TBCE: variants seen among roughly 807,000 people sequenced by gnomAD.
TBCE encodes tubulin-specific chaperone E.
Under a neutral mutation model 77.0 loss-of-function variants are expected in TBCE, and 53 were observed. The observed-to-expected ratio is 0.69, with a 90% CI of 0.55 to 0.87. TBCE has a LOEUF of 0.87. Among genes scored for constraint, TBCE ranks in the 40% least tolerant of loss-of-function variants. The pLI, the probability that TBCE is intolerant of heterozygous loss-of-function variation, is 0.00. For synonymous variants in TBCE, 235 were observed against 241.3 expected, an observed-to-expected ratio of 0.97 and a Z score of 0.24; for missense variants, 624 against 622.4, an observed-to-expected ratio of 1.00 and a Z score of -0.03.
intron 1 of TBCE, among the ~76,000 whole-genome samples, chr1:235,369,461 C>T (rs7523916): frequency 0.55 from 82,573 of 151,252 alleles, 22,876 homozygotes; most frequent in East Asian, 0.73. Context: ...GAGCCGAGAT[C>T]GTGCCACTGC....
chr1:235,370,252 CTTT>C (rs534933199), intron 1 of TBCE, among the ~76,000 whole-genome samples: 2 of 132,876 alleles, frequency 1.5e-5, no homozygotes, highest in Admixed American at 7.6e-5. Flanking sequence ...CTGCTGTATT[CTTT>C]TTTTTTTTTT....
At chr1:235,436,125 C>T (rs542978715) in intron 9 of TBCE, 10 of 599,836 alleles carry the variant, frequency 1.7e-5, no homozygotes, top group African/African-American at 3.7e-5. Context: ...GGCAGTAGAC[C>T]GTGTCTCTTT....
intron 2 of TBCE, among the ~76,000 whole-genome samples, chr1:235,390,832 C>T (rs988708055): frequency 1.5e-4 from 23 of 151,180 alleles, no homozygotes; most frequent in Admixed American, 5.9e-4. Context: ...AATGTTTCAG[C>T]TGGCCATTGT....
chr1:235,443,017 G>A, intron 15 of TBCE, 106 bp downstream of exon 15: 1 of 1,087,306 alleles, frequency 9.2e-7, no homozygotes, highest in Non-Finnish European at 1.4e-6. Flanking sequence ...GTGGACCTCA[G>A]AACTTACAGG....
chr1:235,404,079 C>T (rs1310071846), intron 3 of TBCE, among the ~76,000 whole-genome samples: 1 of 152,286 alleles, frequency 6.6e-6, no homozygotes, highest in Admixed American at 6.5e-5. Flanking sequence ...GAGTTCAAGA[C>T]CAGCCTGGAC....
intron 4 of TBCE, 190 bp downstream of exon 4, chr1:235,414,808 G>GAATTTGCTA: frequency 1.6e-6 from 1 of 608,804 alleles, no homozygotes; most frequent in South Asian, 1.9e-5. Context: ...TGTTAGCACA[G>GAATTTGCTA]GATTGGTAGA....
chr1:235,368,152 C>G (rs1029987489), intron 1 of TBCE, among the ~76,000 whole-genome samples: 1 of 152,034 alleles, frequency 6.6e-6, no homozygotes, highest in African/African-American at 2.4e-5. Context: ...ATGATCCACC[C>G]GCCTCGGCCT....
rs950493106 is a variant in TBCE, at chr1:235,448,861, G to T, written c.*99G>T. ...GAACAATTCTACTGTCAAAACAAAGGGGGTTTACAACTTGTCCTAAGTATA... is the reference window on the plus strand; with the variant it reads ...GAACAATTCTACTGTCAAAACAAAGTGGGTTTACAACTTGTCCTAAGTATA... On this transcript the variant is annotated 3_prime_UTR_variant, in exon 17 of 17. Transcript: ENST00000642610. 1 of 933,632 alleles carries T rather than the reference G, an allele frequency of 1.1e-6. No individual in the cohort carries two copies. The highest frequency in any genetic ancestry group is 2.1e-4 in the Middle Eastern group (1 of 4,808). 57.8% of individuals were successfully genotyped at this position (933,632 alleles called of 1,614,324 possible).
intron 16 of TBCE, 83 bp from the exon 17 acceptor site, chr1:235,448,587 A>G (rs1321824264): frequency 7.2e-7 from 1 of 1,388,024 alleles, no homozygotes; most frequent in Non-Finnish European, 1.0e-6. Flanking sequence ...CTGCCTGGGG[A>G]CGGGGTGGGG....
chr1:235,447,223 AAAAT>A (rs1212028362), intron 15 of TBCE, among the ~76,000 whole-genome samples: 1 of 152,236 alleles, frequency 6.6e-6, no homozygotes, highest in Admixed American at 6.5e-5. Flanking sequence ...TTTTTATTCT[AAAAT>A]AAAGAACATT....
intron 2 of TBCE, among the ~76,000 whole-genome samples, chr1:235,385,554 C>G (rs1440591878): frequency 6.6e-6 from 1 of 151,956 alleles, no homozygotes; most frequent in Non-Finnish European, 1.5e-5. Flanking sequence ...TTGAATTGAT[C>G]CCTTTATCAT....
chr1:235,430,841 G>A (rs200558461), intron 7 of TBCE, 37 bp downstream of exon 7: 203 of 1,542,498 alleles, frequency 1.3e-4, no homozygotes, highest in Admixed American at 5.9e-4. Flanking sequence ...ACATTAATAA[G>A]CAATTAAAAA....
Position 235,450,708 on chromosome 1 carries a change from G to A in TBCE, c.*1946G>A, listed in dbSNP as rs182843415. On this transcript the variant is annotated 3_prime_UTR_variant, in exon 17 of 17. Transcript: ENST00000642610. Reference sequence around the variant, plus strand: ...ATTCTGATGGAATGCTTACAATATTGCAGGGACTGTACCAAGTGCTTTGTA... The same window carrying A: ...ATTCTGATGGAATGCTTACAATATTACAGGGACTGTACCAAGTGCTTTGTA... The A allele has an allele frequency of 2.9e-3, 586 of 205,220 alleles. 4 individuals carry two copies. The highest frequency in any genetic ancestry group is 0.013 in the African/African-American group (560 of 43,584). 12.7% of individuals were successfully genotyped at this position (205,220 alleles called of 1,614,324 possible).
chr1:235,452,179 AT>A lies in TBCE; in HGVS notation c.*3425del, dbSNP rs1487118055. The A allele has an allele frequency of 6.6e-6, 1 of 151,868 alleles. No homozygotes were observed. The highest frequency in any genetic ancestry group is 1.5e-5 in the Non-Finnish European group (1 of 67,950). 9.4% of individuals were successfully genotyped at this position (151,868 alleles called of 1,614,324 possible). On this transcript the variant is annotated 3_prime_UTR_variant, in exon 17 of 17. Transcript: ENST00000642610. ...AGGCGCCCGCCACTATGCCTGGCTAATTTTTTTTGTATTTTTAGTAGAGATG... is the reference window on the plus strand; with the variant it reads ...AGGCGCCCGCCACTATGCCTGGCTAATTTTTTTGTATTTTTAGTAGAGATG...
intron 8 of TBCE, 31 bp from the exon 9 acceptor site, chr1:235,435,714 T>A (rs1256135562): frequency 6.3e-7 from 1 of 1,581,906 alleles, no homozygotes; most frequent in Non-Finnish European, 8.7e-7. Flanking sequence ...AGAGATAAAT[T>A]CACGGTGAAA....
At chr1:235,430,847 A>T (rs767941155) in intron 7 of TBCE, 43 bp downstream of exon 7, 4 of 1,533,450 alleles carry the variant, frequency 2.6e-6, no homozygotes, top group South Asian at 1.1e-5. Context: ...ATAAGCAATT[A>T]AAAATGTTTG....
Position 235,438,798 on chromosome 1 carries a change from G to A in TBCE, c.1146G>A (p.Glu382=). 6.2e-7 allele frequency: 1 copy of A among 1,614,152 alleles called. No homozygotes were observed. The highest frequency in any genetic ancestry group is 2.2e-5 in the East Asian group (1 of 44,872). The change falls in exon 13 of 17, where the codon GAG becomes GAA. Residue 382 remains glutamate (E), a synonymous_variant. Transcript: ENST00000642610. ...TCCCCGAGGAGAGGCGGAGAGCTGA[G>A]CTTGACTACCGAAAAGCTTTTGGAA... The part of the protein sequence containing the change: ...EILPEERRRA[E]LDYRKAFGNE...
At position 235,419,251 on chromosome 1, in the gene TBCE, G is replaced by T. The variant is rs1030816352; in HGVS notation, c.372-222G>T. 2.5e-5 allele frequency: 16 copies of T among 641,750 alleles called. No individual in the cohort carries two copies. The African/African-American group carries it at 2.6e-4, about 10-fold the overall frequency. The allele number at this position is 641,750 out of a possible 1,614,324, so 39.8% of individuals were successfully genotyped here. ...TACCTCTGGGAGTAGAGGGAGAATT[G>T]TGTTTGGAGAGGGCCCCAGAGGACT... On this transcript the variant is annotated intron_variant, in intron 4 of 16. Coordinates refer to ENST00000642610, the MANE Select transcript of TBCE (RefSeq NM_003193.5).
chr1:235,425,951 G>T (rs1342656430), intron 5 of TBCE, among the ~76,000 whole-genome samples: 1 of 152,300 alleles, frequency 6.6e-6, no homozygotes, highest in South Asian at 2.1e-4. Flanking sequence ...GCACAGACAG[G>T]CCTGCCTGTG....
Sources: gnomAD v4.1 joint callset for allele counts (sites outside exome capture counted in the v4.1 genomes callset) on GRCh38, gnomAD v4.1.1 for gene constraint, MANE v1.5 for transcripts, NCBI Gene and HGNC (gene_info 2026-07-23, HGNC 2026-07-21) for gene names.